The following VWA3B variants were observed in gnomAD, a reference collection of about 807,000 sequenced individuals.
VWA3B encodes von Willebrand factor A domain containing 3B, also known as von Willebrand factor A domain-containing protein 3B.
Under a neutral mutation model 158.3 loss-of-function variants are expected in VWA3B, and 138 were observed. The ratio of observed to expected loss-of-function variants is 0.87; its 90% confidence interval spans 0.76 to 1.00. VWA3B has a LOEUF of 1.00. VWA3B is among the 50% of genes least tolerant of loss of function. VWA3B has a pLI of 0.00. For synonymous variants in VWA3B, 596 were observed against 587.3 expected (o/e 1.01, Z -0.21); for missense variants, 1,555 against 1,565.1 (o/e 0.99, Z 0.11).
chr2:98,283,372 G>T (rs1326010739), intron 22 of VWA3B, among the ~76,000 whole-genome samples: 1 of 152,220 alleles, frequency 6.6e-6, no homozygotes, highest in African/African-American at 2.4e-5. Flanking sequence ...CTCCCAGCCA[G>T]CTGGTCTTTG....
chr2:98,222,705 CACCAGCAAGG>C (rs938748135), intron 14 of VWA3B, among the ~76,000 whole-genome samples: 1 of 152,204 alleles, frequency 6.6e-6, no homozygotes, highest in African/African-American at 2.4e-5. Flanking sequence ...CTTCAGGCAG[CACCAGCAAGG>C]ACCAGTGGGG....
chr2:98,133,984 G>A (rs1219607205), intron 7 of VWA3B, 45 bp downstream of exon 7: 1 of 1,514,860 alleles, frequency 6.6e-7, no homozygotes, highest in Admixed American at 1.7e-5. Context: ...GTCCCGAATA[G>A]CCTCAGACGA....
intron 19 of VWA3B, among the ~76,000 whole-genome samples, chr2:98,245,980 T>A: frequency 6.6e-6 from 1 of 152,214 alleles, no homozygotes; most frequent in African/African-American, 2.4e-5. Flanking sequence ...AGCCACATGC[T>A]GAATTCATGT....
At position 98,311,962 on chromosome 2, in the gene VWA3B, C is replaced by G. The variant is rs370419726; in HGVS notation, c.3665C>G (p.Ser1222Trp). 24 of 1,604,750 alleles carry G rather than the reference C, an allele frequency of 1.5e-5. No individual in the cohort carries two copies. In the African/African-American group the frequency reaches 2.7e-4, roughly 18 times the overall value. Residue 1222 changes from serine to tryptophan, a missense_variant, in exon 27 of 28, where the codon TCG (serine) becomes TGG (tryptophan). Physicochemically the swap from Ser to Trp is radical, Grantham distance 177. Coordinates refer to ENST00000477737, the MANE Select transcript of VWA3B (RefSeq NM_144992.5). ...AKQPLQQAAP[S>W]DSDGSSHGIS... ...CAGCCACTCCAGCAGGCGGCGCCCTCGGACTCGGACGGCTCCTCCCACGGC... is the reference window on the plus strand; with the variant it reads ...CAGCCACTCCAGCAGGCGGCGCCCTGGGACTCGGACGGCTCCTCCCACGGC...
At chr2:98,164,053 G>A (rs543168360) in intron 8 of VWA3B, among the ~76,000 whole-genome samples, 37 of 152,232 alleles carry the variant, frequency 2.4e-4, no homozygotes, top group Middle Eastern at 6.8e-3. Flanking sequence ...TGATCGGCTC[G>A]GCCAGCCTTG....
At chr2:98,208,160 A>G (rs1683174241) in intron 12 of VWA3B, among the ~76,000 whole-genome samples, 1 of 152,006 alleles carries the variant, frequency 6.6e-6, no homozygotes, top group African/African-American at 2.4e-5. Context: ...TCTACTTTAT[A>G]TAATATTAAT....
chr2:98,119,755 T>C lies in VWA3B; in HGVS notation c.534T>C (p.Asn178=). ...QEQVAHITEF[N]IIRVSQEPVK... ...AGGTGGCTCACATAACCGAGTTCAA[T>C]ATCATACGGTGAGTTCCCATAGGAA... The change falls in exon 4 of 28, where the codon AAT becomes AAC. Residue 178 remains asparagine, a synonymous_variant. Transcript: ENST00000477737. 6.2e-7 allele frequency: 1 copy of C among 1,613,956 alleles called. No individual in the cohort carries two copies. Among genetic ancestry groups the C allele is most frequent in the Non-Finnish European group, 8.5e-7 (1 of 1,179,854 alleles).
At chr2:98,122,991 TG>T (rs1216588827) in intron 5 of VWA3B, among the ~76,000 whole-genome samples, 1 of 152,164 alleles carries the variant, frequency 6.6e-6, no homozygotes, top group African/African-American at 2.4e-5. Flanking sequence ...AGCCTTGATC[TG>T]GGGGTGGTCT....
chr2:98,308,984 C>T (rs1253728197), intron 26 of VWA3B, among the ~76,000 whole-genome samples: 2 of 151,910 alleles, frequency 1.3e-5, no homozygotes, highest in Non-Finnish European at 2.9e-5. Flanking sequence ...CCAGCCTGGC[C>T]ATTATGGTGA....
At chr2:98,251,891 G>T (rs534332877) in intron 20 of VWA3B, among the ~76,000 whole-genome samples, 85 of 152,216 alleles carry the variant, frequency 5.6e-4, no homozygotes, top group African/African-American at 2.0e-3. Flanking sequence ...GCCTCTGTGG[G>T]CTCCTCAGTA....
At chr2:98,226,664 TGACATGTCA>T (rs2105670776) in intron 14 of VWA3B, among the ~76,000 whole-genome samples, 1 of 152,316 alleles carries the variant, frequency 6.6e-6, no homozygotes, top group East Asian at 1.9e-4. Flanking sequence ...TATCTGCAAA[TGACATGTCA>T]GACAAAGGTC....
intron 20 of VWA3B, among the ~76,000 whole-genome samples, chr2:98,251,582 G>A (rs1226467606): frequency 6.6e-6 from 1 of 152,144 alleles, no homozygotes; most frequent in Non-Finnish European, 1.5e-5. Flanking sequence ...CCTGTCCTCG[G>A]TTCTGGGAAC....
chr2:98,151,197 C>T (rs1677597877), intron 7 of VWA3B, among the ~76,000 whole-genome samples: 1 of 152,080 alleles, frequency 6.6e-6, no homozygotes, highest in African/African-American at 2.4e-5. Flanking sequence ...ACTGCAACCT[C>T]CACCTCCTGG....
intron 6 of VWA3B, among the ~76,000 whole-genome samples, chr2:98,131,090 C>G (rs1675833661): frequency 1.3e-5 from 2 of 152,148 alleles, no homozygotes; most frequent in African/African-American, 4.8e-5. Context: ...CATTAACCAA[C>G]CTATTTTTAT....
At chr2:98,253,710 A>C (rs746846865) in intron 20 of VWA3B, among the ~76,000 whole-genome samples, 6 of 152,126 alleles carry the variant, frequency 3.9e-5, no homozygotes, top group Admixed American at 3.3e-4. Flanking sequence ...TTTGCAAATG[A>C]GTCAACTCTT....
At chr2:98,161,377 T>C (rs1573943740) in intron 7 of VWA3B, among the ~76,000 whole-genome samples, 1 of 152,284 alleles carries the variant, frequency 6.6e-6, no homozygotes, top group South Asian at 2.1e-4. Context: ...AATGAAGCTG[T>C]GGGGTGGGCC....
intron 12 of VWA3B, chr2:98,206,474 G>A (rs1683032991): frequency 2.6e-6 from 1 of 381,164 alleles, no homozygotes; most frequent in African/African-American, 2.1e-5. Flanking sequence ...GCACAGTAAG[G>A]ATTATGCTAT....
At position 98,121,290 on chromosome 2, in the gene VWA3B, C is replaced by A. The variant is rs530152992; in HGVS notation, c.543-9C>A. ...CTGCCCAGTGACCACTCCATGTGAT[C>A]CTTTTCAGGGTTTCTCAAGAGCCTG... is the stretch of plus-strand genomic sequence containing the variant. On this transcript the variant is annotated splice_polypyrimidine_tract_variant and intron_variant, in intron 4 of 27. Transcript: ENST00000477737. 2 of 1,610,488 alleles carry A rather than the reference C, an allele frequency of 1.2e-6. No homozygotes were observed. The highest frequency in any genetic ancestry group is 1.7e-6 in the Non-Finnish European group (2 of 1,176,916).
rs1021214916 is a variant in VWA3B at position 98,215,314 on chromosome 2, G to A, written c.1837-2532G>A. On this transcript the variant is annotated intron_variant, in intron 13 of 27. Transcript: ENST00000477737. ...AAATTAGCTGGGCCTGGTGGCGTGC[G>A]CCTGTAGTCCCAGCTGCTGGGGAGG... Among the ~76,000 whole-genome samples, 9 of 151,322 alleles carry A rather than the reference G, an allele frequency of 5.9e-5. No individual in the cohort carries two copies. In the South Asian group the frequency reaches 6.3e-4, roughly 11 times the overall value.
Sources: allele counts gnomAD v4.1 joint callset (sites outside exome capture counted in the v4.1 genomes callset), GRCh38; gene constraint gnomAD v4.1.1; transcripts MANE v1.5; gene names NCBI Gene and HGNC (gene_info 2026-07-23, HGNC 2026-07-21).